The following MAML3 variants were observed in gnomAD, a reference collection of about 807,000 sequenced individuals.
MAML3 encodes mastermind-like protein 3.
Under a neutral mutation model 101.9 loss-of-function variants are expected in MAML3, and 27 were observed. The ratio of observed to expected loss-of-function variants is 0.27; its 90% CI spans 0.20 to 0.37. The LOEUF (loss-of-function observed/expected upper bound fraction) is 0.37. Ranked by LOEUF, MAML3 falls within the 10% of genes least tolerant of loss-of-function variation. MAML3 has a pLI of 1.00. For missense variants in MAML3, 1,316 were observed against 1,444.9 expected, an observed-to-expected ratio of 0.91 and a Z score of 1.45; for synonymous variants, 501 against 555.9, an observed-to-expected ratio of 0.90 and a Z score of 1.39.
intron 2 of MAML3, among the ~76,000 whole-genome samples, chr4:139,865,502 T>TTTG (rs1553961164): frequency 3.3e-5 from 5 of 151,000 alleles, no homozygotes; most frequent in Admixed American, 2.0e-4. Context: ...TTTTGTTTTT[T>TTTG]TTTTTTTTCA....
chr4:140,064,798 TC>T (rs1727503815), intron 1 of MAML3, among the ~76,000 whole-genome samples: 1 of 152,144 alleles, frequency 6.6e-6, no homozygotes, highest in South Asian at 2.1e-4. Flanking sequence ...TCATCCCTAC[TC>T]GCCTTACCAA....
At chr4:140,022,839 T>C (rs1726753512) in intron 1 of MAML3, among the ~76,000 whole-genome samples, 3 of 152,204 alleles carry the variant, frequency 2.0e-5, no homozygotes, top group Admixed American at 6.5e-5. Flanking sequence ...ATAACCCTAG[T>C]TCAAATACAG....
At chr4:139,926,263 A>C (rs1243949125) in intron 1 of MAML3, among the ~76,000 whole-genome samples, 1 of 152,186 alleles carries the variant, frequency 6.6e-6, no homozygotes, top group Non-Finnish European at 1.5e-5. Flanking sequence ...TGACTGCTTG[A>C]CTTTCTTTAA....
At chr4:140,032,071 T>A (rs1726916687) in intron 1 of MAML3, among the ~76,000 whole-genome samples, 1 of 152,236 alleles carries the variant, frequency 6.6e-6, no homozygotes, top group African/African-American at 2.4e-5. Flanking sequence ...GGATCTTAAC[T>A]CTACTTAGCC....
intron 2 of MAML3, among the ~76,000 whole-genome samples, chr4:139,751,473 A>G (rs1261792308): frequency 2.6e-5 from 4 of 152,254 alleles, no homozygotes; most frequent in African/African-American, 9.6e-5. Flanking sequence ...TGCATGAAAC[A>G]AAGTTTTGAC....
intron 1 of MAML3, among the ~76,000 whole-genome samples, chr4:140,067,200 GGTGTGTGTGT>G (rs34701956): frequency 6.7e-6 from 1 of 149,758 alleles, no homozygotes; most frequent in Admixed American, 6.7e-5. Context: ...AAATTTTAGG[GGTGTGTGTGT>G]GTGTGTGTGT....
At chr4:139,851,119 C>G (rs1435457746) in intron 2 of MAML3, among the ~76,000 whole-genome samples, 2 of 152,346 alleles carry the variant, frequency 1.3e-5, no homozygotes, top group South Asian at 4.1e-4. Flanking sequence ...CCTCCAGGCT[C>G]TCTGAAGGTA....
intron 1 of MAML3, among the ~76,000 whole-genome samples, chr4:140,114,108 C>T (rs1728480327): frequency 6.6e-6 from 1 of 152,136 alleles, no homozygotes; most frequent in South Asian, 2.1e-4. Flanking sequence ...CAGATGCCAA[C>T]TCCCTGTGCA....
At position 140,031,537 on chromosome 4, in the gene MAML3, A is replaced by T. The variant is rs180807371; in HGVS notation, c.468+121323T>A. Among the ~76,000 whole-genome samples, 50 of 152,292 alleles carry T rather than the reference A, an allele frequency of 3.3e-4. No individual in the cohort carries two copies. In the East Asian group the frequency reaches 6.4e-3, roughly 19 times the overall value. On this transcript the variant is annotated intron_variant, in intron 1 of 4. Transcript: ENST00000509479. ...GAGCCCGTCACATCTCCTTCACTGA[A>T]ATTTTGCTATATTAAATTTTGATTC...
In MAML3 at chr4:140,152,990, A is replaced by G. The variant is rs1344862797; in HGVS notation, c.338T>C (p.Leu113Pro). The G allele has an allele frequency of 6.2e-7, 1 of 1,609,548 alleles. No homozygotes were observed. The highest frequency in any genetic ancestry group is 8.5e-7 in the Non-Finnish European group (1 of 1,178,142). Residue 113 changes from leucine to proline, a missense_variant, in exon 1 of 5, where the codon CTC (leucine) becomes CCC (proline). Leu to Pro is a moderately conservative substitution (Grantham distance 98, BLOSUM62 -3). Transcript: ENST00000509479. The stretch of plus-strand genomic sequence containing the variant: ...CCTCTGCTCCAGGGTCCGCTGGTAG[A>G]GGCTCACGGTGTCCCGGCGCTCCAG... ...LELERRDTVS[L>P]YQRTLEQRAK...
intron 2 of MAML3, among the ~76,000 whole-genome samples, chr4:139,776,722 G>A (rs1373642032): frequency 6.6e-6 from 1 of 152,214 alleles, no homozygotes; most frequent in South Asian, 2.1e-4. Context: ...AGAAGCCAGG[G>A]GCAGAGGTCA....
In MAML3 at chr4:139,779,775, A is replaced by G. The variant is rs940016055; in HGVS notation, c.2080-49108T>C. ...TGGCCAGATTGCTTTTTGGAAAATA[A>G]AAGTCATGGCAAATTGAGCTTGACA... On this transcript the variant is annotated intron_variant, in intron 2 of 4. Coordinates refer to ENST00000509479, the MANE Select transcript of MAML3 (RefSeq NM_018717.5). Among the ~76,000 whole-genome samples, 3 of 152,236 alleles carry G rather than the reference A, an allele frequency of 2.0e-5. No homozygotes were observed. In the East Asian group the frequency reaches 5.8e-4, roughly 29 times the overall value.
intron 1 of MAML3, among the ~76,000 whole-genome samples, chr4:140,152,173 C>T (rs1422629347): frequency 1.3e-5 from 2 of 152,156 alleles, no homozygotes; most frequent in Non-Finnish European, 2.9e-5. Flanking sequence ...GAGCGGAGCG[C>T]ACCCGCGCCC....
At chr4:139,929,392 T>C (rs1402925902) in intron 1 of MAML3, among the ~76,000 whole-genome samples, 1 of 152,218 alleles carries the variant, frequency 6.6e-6, no homozygotes, top group Non-Finnish European at 1.5e-5. Context: ...AGGTAGATAG[T>C]TAGCACTCTC....
At chr4:140,069,419 GGGGAAGGAGGA>G (rs879365850) in intron 1 of MAML3, among the ~76,000 whole-genome samples, 22,469 of 73,844 alleles carry the variant, frequency 0.3, 4,815 homozygotes, top group East Asian at 0.4. Context: ...AGGAGGAGGA[GGGGAAGGAGGA>G]GAAGGAGGAG....
At chr4:140,112,972 AT>A (rs1728460734) in intron 1 of MAML3, among the ~76,000 whole-genome samples, 1 of 152,206 alleles carries the variant, frequency 6.6e-6, no homozygotes, top group Non-Finnish European at 1.5e-5. Context: ...AGTCTATAAT[AT>A]TTTATCCTTT....
At chr4:139,888,672 T>TA (rs1732388453) in intron 2 of MAML3, 1 of 518,876 alleles carries the variant, frequency 1.9e-6, no homozygotes, top group African/African-American at 1.9e-5. Context: ...GAGACTTTAA[T>TA]ACAGCACTAA....
At chr4:140,015,704 A>C (rs1156972069) in intron 1 of MAML3, among the ~76,000 whole-genome samples, 1 of 152,250 alleles carries the variant, frequency 6.6e-6, no homozygotes, top group African/African-American at 2.4e-5. Flanking sequence ...CTGTAATCCC[A>C]GCACTTTGAG....
In MAML3 at chr4:139,943,279, G is replaced by A. The variant is rs549122873; in HGVS notation, c.469-52312C>T. ...GTAAAACAAGATATTGGTGAAGACA[G>A]CCACGATTGACAGGAAAAGAACAAA... On this transcript the variant is annotated intron_variant, in intron 1 of 4. Coordinates refer to ENST00000509479, the MANE Select transcript of MAML3 (RefSeq NM_018717.5). Among the ~76,000 whole-genome samples, 11 of 152,300 alleles carry A rather than the reference G, an allele frequency of 7.2e-5. No individual in the cohort carries two copies. In the East Asian group the frequency reaches 2.1e-3, roughly 29 times the overall value.
Sources: allele counts gnomAD v4.1 joint callset (sites outside exome capture counted in the v4.1 genomes callset), GRCh38; gene constraint gnomAD v4.1.1; transcripts MANE v1.5; gene names NCBI Gene and HGNC (gene_info 2026-07-23, HGNC 2026-07-21).